WASHC3: variants seen among roughly 807,000 people sequenced by gnomAD.
WASHC3 encodes WASH complex subunit 3.
WASHC3 carries 24 observed loss-of-function variants against 26.1 expected under a neutral mutation model. That is an observed-to-expected ratio of 0.92 (90% CI 0.66 to 1.29). WASHC3 has a LOEUF of 1.29. Among genes scored for constraint, WASHC3 ranks in the 50% most tolerant of loss-of-function variants. WASHC3 has a pLI of 0.00. For missense variants in WASHC3, 214 were observed against 229.6 expected (o/e 0.93, Z 0.44); for synonymous variants, 77 against 75.7 (o/e 1.02, Z -0.09).
At chr12:102,025,524 T>C (rs1877140038) in intron 6 of WASHC3, among the ~76,000 whole-genome samples, 1 of 152,008 alleles carries the variant, frequency 6.6e-6, no homozygotes, top group Non-Finnish European at 1.5e-5. Flanking sequence ...TTTCTCAATC[T>C]GGCTTAACCT....
intron 2 of WASHC3, among the ~76,000 whole-genome samples, chr12:102,055,282 A>G (rs1878549560): frequency 6.6e-6 from 1 of 152,250 alleles, no homozygotes; most frequent in African/African-American, 2.4e-5. Flanking sequence ...CAGTGACGTT[A>G]TAAATGCTAA....
chr12:102,053,698 A>C (rs1429114330), intron 2 of WASHC3, among the ~76,000 whole-genome samples: 5 of 152,230 alleles, frequency 3.3e-5, no homozygotes, highest in Non-Finnish European at 7.3e-5. Context: ...CAAGAAAATA[A>C]TAAATGACCA....
intron 2 of WASHC3, chr12:102,050,453 A>AACACACAC (rs58251617): frequency 0.015 from 5,090 of 333,674 alleles, 49 homozygotes; most frequent in African/African-American, 0.019. Flanking sequence ...TGCCATCTCT[A>AACACACAC]ACACACACAC....
intron 6 of WASHC3, among the ~76,000 whole-genome samples, chr12:102,025,281 T>C (rs1479731596): frequency 6.6e-6 from 1 of 152,144 alleles, no homozygotes; most frequent in Non-Finnish European, 1.5e-5. Context: ...TTCTGAAGAA[T>C]GCATTACGAT....
chr12:102,038,693 G>A (rs139446046), intron 5 of WASHC3, among the ~76,000 whole-genome samples: 480 of 151,958 alleles, frequency 3.2e-3, no homozygotes, highest in African/African-American at 0.01. Context: ...CCAAAGTCTG[G>A]TTTATTTTTT....
chr12:102,030,839 C>T (rs1281094719), intron 5 of WASHC3, among the ~76,000 whole-genome samples: 3 of 152,176 alleles, frequency 2.0e-5, no homozygotes, highest in Admixed American at 6.5e-5. Flanking sequence ...CCAGTACTTC[C>T]TTCACTCTTC....
intron 6 of WASHC3, among the ~76,000 whole-genome samples, chr12:102,014,075 CTTTTTTTTTTTTT>C (rs1189181874): frequency 9.0e-5 from 8 of 88,710 alleles, no homozygotes; most frequent in East Asian, 4.1e-4. Context: ...ACTGCTACAT[CTTTTTTTTTTTTT>C]TTTTTTTTTT....
In WASHC3 at chr12:102,030,113, T is replaced by C. The variant is rs372070426; in HGVS notation, c.436-4075A>G. Among the ~76,000 whole-genome samples the C allele has an allele frequency of 2.9e-4, 44 of 151,998 alleles. No individual in the cohort carries two copies. The South Asian group carries it at 2.9e-3, about 10-fold the overall frequency. ...GAGTTCGAGACCAGCCTGACCAACA[T>C]GGAGAAACCGTGTCTCTACTAAAAA... On this transcript the variant is annotated intron_variant, in intron 5 of 6. Coordinates refer to ENST00000240079, the MANE Select transcript of WASHC3 (RefSeq NM_016053.4).
At chr12:102,042,205 C>T (rs1877966960) in intron 4 of WASHC3, among the ~76,000 whole-genome samples, 3 of 152,066 alleles carry the variant, frequency 2.0e-5, no homozygotes, top group Non-Finnish European at 4.4e-5. Flanking sequence ...TAAAGTTAAA[C>T]TCCTCTACAA....
chr12:102,050,812 C>T (rs1341581570), intron 2 of WASHC3, among the ~76,000 whole-genome samples: 1 of 152,122 alleles, frequency 6.6e-6, no homozygotes, highest in African/African-American at 2.4e-5. Flanking sequence ...TCCTGCCAAC[C>T]CCTCAAAATT....
chr12:102,025,240 C>T (rs373991031), intron 6 of WASHC3, among the ~76,000 whole-genome samples: 2 of 152,060 alleles, frequency 1.3e-5, no homozygotes, highest in South Asian at 4.1e-4. Flanking sequence ...AGATTCTTTA[C>T]AAGTACCTAG....
chr12:102,048,911 G>A (rs563428031), intron 2 of WASHC3, among the ~76,000 whole-genome samples: 4 of 152,270 alleles, frequency 2.6e-5, no homozygotes, highest in Admixed American at 2.0e-4. Context: ...AGATAATTCA[G>A]TATAATAAAT....
Position 102,013,204 on chromosome 12 carries a change from G to GA in WASHC3, c.501-13dup, listed in dbSNP as rs774911703. ...GAGCATCTGGCCTCCTAAAAGAAAA[G>GA]AAAAAAAAATTTCAAAGGTCTTTTC... is the stretch of plus-strand genomic sequence containing the variant. On this transcript the variant is annotated splice_polypyrimidine_tract_variant and intron_variant, in intron 6 of 6. Transcript: ENST00000240079. 758 of 1,417,860 alleles carry GA rather than the reference G, an allele frequency of 5.3e-4. 1 individual carries two copies. Among genetic ancestry groups the GA allele is most frequent in the Non-Finnish European group, 6.2e-4 (649 of 1,041,818 alleles). 87.8% of individuals were successfully genotyped at this position (1,417,860 alleles called of 1,614,324 possible).
chr12:102,039,986 G>C lies in WASHC3; in HGVS notation c.325-8C>G, dbSNP rs1483168969. 1 of 1,361,388 alleles carries C rather than the reference G, an allele frequency of 7.3e-7. No individual in the cohort carries two copies. The highest frequency in any genetic ancestry group is 1.0e-6 in the Non-Finnish European group (1 of 962,958). The allele number at this position is 1,361,388 out of a possible 1,614,324, so 84.3% of individuals were successfully genotyped here. On this transcript the variant is annotated splice_region_variant and splice_polypyrimidine_tract_variant and intron_variant, in intron 4 of 6. Transcript: ENST00000240079. ...GTCTTGTGTACTGTTCTGCTGTAGA[G>C]AGTATTTGGTGTAAATCTTTAGACA...
At chr12:102,051,012 C>T (rs1442899635) in intron 2 of WASHC3, among the ~76,000 whole-genome samples, 4 of 152,202 alleles carry the variant, frequency 2.6e-5, no homozygotes, top group Non-Finnish European at 5.9e-5. Context: ...ACAAAAGTAG[C>T]CTAATATGCA....
chr12:102,049,146 T>C (rs1366010817), intron 2 of WASHC3, among the ~76,000 whole-genome samples: 3 of 152,254 alleles, frequency 2.0e-5, no homozygotes, highest in African/African-American at 7.2e-5. Context: ...AAATATTCTT[T>C]GCTGCAGGGG....
At chr12:102,036,441 G>A (rs1194356193) in intron 5 of WASHC3, among the ~76,000 whole-genome samples, 1 of 151,578 alleles carries the variant, frequency 6.6e-6, no homozygotes, top group Non-Finnish European at 1.5e-5. Flanking sequence ...GTTCTGGGAT[G>A]CAGGTTGGCA....
At chr12:102,057,086 T>C (rs1878622151) in intron 2 of WASHC3, among the ~76,000 whole-genome samples, 1 of 152,164 alleles carries the variant, frequency 6.6e-6, no homozygotes, top group African/African-American at 2.4e-5. Flanking sequence ...GTCAGATTTA[T>C]CCCTGGGATA....
In WASHC3 at chr12:102,061,302, T is replaced by G. The variant is rs777011712; in HGVS notation, c.96A>C (p.Gln32His). 27 of 1,613,742 alleles carry G rather than the reference T, an allele frequency of 1.7e-5. No individual in the cohort carries two copies. Among genetic ancestry groups the G allele is most frequent in the Admixed American group, 6.7e-5 (4 of 60,000 alleles). ...GGAACTGTACAGTGTGCACCACAAA[T>G]TGGTTTAGAAAAGCCACCGTTCTTT... is the stretch of plus-strand genomic sequence containing the variant. ...QQKRTVAFLN[Q>H]FVVHTVQFLN... The change falls in exon 2 of 7, where the codon CAA becomes CAC. Residue 32 changes from glutamine (Q) to histidine (H), a missense_variant. Gln to His is a conservative substitution (Grantham distance 24). Coordinates refer to ENST00000240079, the MANE Select transcript of WASHC3 (RefSeq NM_016053.4).
Sources: gnomAD v4.1 joint callset for allele counts (sites outside exome capture counted in the v4.1 genomes callset) on GRCh38, gnomAD v4.1.1 for gene constraint, MANE v1.5 for transcripts, NCBI Gene and HGNC (gene_info 2026-07-23, HGNC 2026-07-21) for gene names.